The following RORA variants were observed in gnomAD, a reference collection of about 807,000 sequenced individuals.
The protein encoded by RORA is nuclear receptor ROR-alpha.
RORA carries 7 observed loss-of-function variants against 69.5 expected under a neutral mutation model. The observed-to-expected ratio is 0.10, with a 90% CI of 0.06 to 0.19. The LOEUF is 0.19. Among genes scored for constraint, RORA ranks in the 10% least tolerant of loss-of-function variants. The probability of loss-of-function intolerance (pLI) is 1.00; values close to 1 mark genes in which losing one functional copy is unlikely to be tolerated. For synonymous variants in RORA, 261 were observed against 240.8 expected, an observed-to-expected ratio of 1.08 and a Z score of -0.78; for missense variants, 457 against 663.0, an observed-to-expected ratio of 0.69 and a Z score of 3.41.
At chr15:60,929,034 C>T (rs147574810) in intron 1 of RORA, among the ~76,000 whole-genome samples, 6 of 152,274 alleles carry the variant, frequency 3.9e-5, no homozygotes, top group African/African-American at 1.2e-4. Flanking sequence ...CGCTCCCACT[C>T]TTCCCTCCTT....
At chr15:60,584,955 ATTT>A (rs553010499) in intron 2 of RORA, among the ~76,000 whole-genome samples, 1 of 151,770 alleles carries the variant, frequency 6.6e-6, no homozygotes, top group Non-Finnish European at 1.5e-5. Context: ...CTTGCTTTTT[ATTT>A]TTTTTCTTCT....
intron 1 of RORA, among the ~76,000 whole-genome samples, chr15:60,720,695 C>T (rs190191058): frequency 1.3e-5 from 2 of 152,264 alleles, no homozygotes; most frequent in East Asian, 3.9e-4. Flanking sequence ...TCGAATCGAT[C>T]CTGGCAGTGA....
At position 60,736,580 on chromosome 15, in the gene RORA, G is replaced by T. The variant is rs187216372; in HGVS notation, c.167-57894C>A. Among the ~76,000 whole-genome samples the T allele has an allele frequency of 4.5e-4, 68 of 152,222 alleles. 1 individual carries two copies. The East Asian group carries it at 0.012, about 26-fold the overall frequency. On this transcript the variant is annotated intron_variant, in intron 1 of 10. Coordinates refer to ENST00000335670, the MANE Select transcript of RORA (RefSeq NM_134261.3). ...TTCTTCCTGAAAAAGAAGTGCATTGGAGGTATGGTGATTTCCAGAGCATCT... is the reference window on the plus strand; with the variant it reads ...TTCTTCCTGAAAAAGAAGTGCATTGTAGGTATGGTGATTTCCAGAGCATCT...
chr15:60,678,239 TG>T (rs2140747831), intron 2 of RORA: 1 of 156,312 alleles, frequency 6.4e-6, no homozygotes, highest in Non-Finnish European at 1.4e-5. Flanking sequence ...TCCACAGACA[TG>T]AGTACGAAAC....
At chr15:61,207,828 C>T (rs1188258040) in intron 1 of RORA, among the ~76,000 whole-genome samples, 1 of 152,200 alleles carries the variant, frequency 6.6e-6, no homozygotes, top group Non-Finnish European at 1.5e-5. Context: ...AAACAACAAA[C>T]AGGCTGTCAT....
rs186380046 is a variant in RORA, at chr15:60,708,261, A to C, written c.167-29575T>G. Among the ~76,000 whole-genome samples the C allele has an allele frequency of 8.4e-3, 1,279 of 151,688 alleles. 19 individuals are homozygous for C. Among genetic ancestry groups the C allele is most frequent in the African/African-American group, 0.03 (1,211 of 41,040 alleles). The stretch of plus-strand genomic sequence containing the variant: ...ACATGGTGAAACCCTGTCTCTACTA[A>C]AAATACAAAAATTAGCTGGGCTTGG... On this transcript the variant is annotated intron_variant, in intron 1 of 10. Coordinates refer to ENST00000335670, the MANE Select transcript of RORA (RefSeq NM_134261.3).
intron 1 of RORA, among the ~76,000 whole-genome samples, chr15:61,059,998 GAAGAAGAAGA>G (rs2078157645): frequency 9.9e-6 from 1 of 101,124 alleles, no homozygotes; most frequent in African/African-American, 3.5e-5. Context: ...GGAAGAAGAA[GAAGAAGAAGA>G]AGAAGAAGAA....
chr15:60,749,798 C>T (rs1353418853), intron 1 of RORA, among the ~76,000 whole-genome samples: 2 of 152,144 alleles, frequency 1.3e-5, no homozygotes, highest in African/African-American at 4.8e-5. Flanking sequence ...AAGGCCGAGG[C>T]AGGAGGATTG....
intron 1 of RORA, among the ~76,000 whole-genome samples, chr15:60,766,037 G>A (rs1232251024): frequency 1.3e-5 from 2 of 152,078 alleles, no homozygotes; most frequent in Non-Finnish European, 2.9e-5. Context: ...TTTAATGAAT[G>A]GCTTCTAAAT....
intron 1 of RORA, among the ~76,000 whole-genome samples, chr15:60,860,891 C>A (rs1435226183): frequency 2.6e-5 from 4 of 152,220 alleles, no homozygotes; most frequent in African/African-American, 9.6e-5. Flanking sequence ...TGACCATCCA[C>A]TGCGTCCCAG....
intron 2 of RORA, among the ~76,000 whole-genome samples, chr15:60,646,589 C>T (rs901920070): frequency 4.6e-5 from 7 of 152,330 alleles, no homozygotes; most frequent in Non-Finnish European, 7.3e-5. Context: ...TCCAAGCCCC[C>T]GAATGGTGGC....
intron 1 of RORA, among the ~76,000 whole-genome samples, chr15:60,975,111 G>A (rs538933726): frequency 9.2e-5 from 14 of 152,134 alleles, no homozygotes; most frequent in African/African-American, 2.9e-4. Context: ...TGAGGCACAC[G>A]TCTTAAAAAG....
chr15:61,204,534 C>G (rs1448463441), intron 1 of RORA, among the ~76,000 whole-genome samples: 1 of 152,154 alleles, frequency 6.6e-6, no homozygotes, highest in Non-Finnish European at 1.5e-5. Flanking sequence ...AAAGATGAGT[C>G]TGGAAGGCTG....
chr15:61,044,385 G>A (rs1896927062), intron 1 of RORA, among the ~76,000 whole-genome samples: 1 of 152,134 alleles, frequency 6.6e-6, no homozygotes, highest in African/African-American at 2.4e-5. Context: ...GCCCTGTGAT[G>A]AGGACATTAT....
chr15:60,663,804 G>T (rs1270131358), intron 2 of RORA, among the ~76,000 whole-genome samples: 1 of 152,156 alleles, frequency 6.6e-6, no homozygotes, highest in Non-Finnish European at 1.5e-5. Context: ...AATAATAGAA[G>T]AATCATGTAC....
intron 1 of RORA, chr15:60,686,793 G>A (rs1040853708): frequency 6.6e-6 from 1 of 152,240 alleles, no homozygotes; most frequent in Non-Finnish European, 1.5e-5. Flanking sequence ...CCCCAAAGTC[G>A]AAGCTACCAG....
chr15:60,641,354 T>C (rs1567138097), intron 2 of RORA, among the ~76,000 whole-genome samples: 1 of 152,176 alleles, frequency 6.6e-6, no homozygotes, highest in Non-Finnish European at 1.5e-5. Context: ...ATACGTATAA[T>C]GGGATAAAAA....
chr15:61,054,309 A>G (rs1196152602), intron 1 of RORA, among the ~76,000 whole-genome samples: 5 of 120,860 alleles, frequency 4.1e-5, no homozygotes, highest in African/African-American at 1.3e-4. Context: ...AAGAACTTTC[A>G]TTTTCTGAAA....
At chr15:61,175,087 T>G (rs1344808871) in intron 1 of RORA, among the ~76,000 whole-genome samples, 2 of 152,194 alleles carry the variant, frequency 1.3e-5, no homozygotes, top group Non-Finnish European at 2.9e-5. Flanking sequence ...GGAAAGTCTC[T>G]GGGTCTATAC....
Sources: gnomAD v4.1 joint callset for allele counts (sites outside exome capture counted in the v4.1 genomes callset) on GRCh38, gnomAD v4.1.1 for gene constraint, MANE v1.5 for transcripts, NCBI Gene and HGNC (gene_info 2026-07-23, HGNC 2026-07-21) for gene names.